GNG7: variants seen among roughly 807,000 people sequenced by gnomAD.
GNG7 encodes guanine nucleotide-binding protein G(I)/G(S)/G(O) subunit gamma-7.
GNG7 carries 1 observed loss-of-function variant against 4.0 expected under a neutral mutation model. The observed-to-expected ratio is 0.25, with a 90% CI of 0.09 to 1.18. GNG7 has a LOEUF of 1.18. GNG7 is among the 50% of genes most tolerant of loss of function. The pLI is 0.50. For synonymous variants in GNG7, 34 were observed against 36.9 expected (o/e 0.92, Z 0.29); for missense variants, 86 against 91.9 (o/e 0.94, Z 0.26).
At chr19:2,590,045 C>T (rs930534730) in intron 2 of GNG7, among the ~76,000 whole-genome samples, 3 of 152,196 alleles carry the variant, frequency 2.0e-5, no homozygotes, top group Non-Finnish European at 2.9e-5. Flanking sequence ...CTCCTGACCT[C>T]AAGTGATCCA....
chr19:2,597,229 C>T (rs920109480), intron 2 of GNG7, among the ~76,000 whole-genome samples: 1 of 152,084 alleles, frequency 6.6e-6, no homozygotes, highest in Admixed American at 6.6e-5. Context: ...GGCGTTACTG[C>T]ACTCCAGCTT....
intron 1 of GNG7, among the ~76,000 whole-genome samples, chr19:2,687,286 C>T (rs1983895638): frequency 6.6e-6 from 1 of 152,042 alleles, no homozygotes; most frequent in Non-Finnish European, 1.5e-5. Context: ...TCTCAAGCTC[C>T]TGGGCTCAAG....
rs1981760581 is a variant in GNG7, at chr19:2,617,743, G to A, written c.-78+28481C>T. ...TTTTATTTTTTTTTTTTTTGAGATA[G>A]GGTCTTGCTCTGTTGCCCAGGCTGG... is the stretch of plus-strand genomic sequence containing the variant. On this transcript the variant is annotated intron_variant, in intron 2 of 4. Coordinates refer to ENST00000382159, the MANE Select transcript of GNG7 (RefSeq NM_052847.3). This position sits in a 1 kb window ranked among gnomAD's most constrained non-coding sequence, Gnocchi z 4.7. Among the ~76,000 whole-genome samples the A allele has an allele frequency of 6.7e-6, 1 of 149,832 alleles. No individual in the cohort carries two copies. The highest frequency in any genetic ancestry group is 1.5e-5 in the Non-Finnish European group (1 of 67,626).
At position 2,611,453 on chromosome 19, in the gene GNG7, G is replaced by A. The variant is rs1219346777; in HGVS notation, c.-78+34771C>T. 1 of 152,222 alleles carries A rather than the reference G, an allele frequency of 6.6e-6. No individual in the cohort carries two copies. Among genetic ancestry groups the A allele is most frequent in the Admixed American group, 6.5e-5 (1 of 15,278 alleles). 9.4% of individuals were successfully genotyped at this position (152,222 alleles called of 1,614,324 possible). ...CCGTCCCAGGACCGTGGCAGGAGGG[G>A]GTCCCGTCCTGCGTGGGGCTTGAAG... On this transcript the variant is annotated intron_variant, in intron 2 of 4. Transcript: ENST00000382159. The surrounding 1 kb of genome is among the most constrained non-coding windows in gnomAD (Gnocchi z 6.0).
intron 3 of GNG7, among the ~76,000 whole-genome samples, chr19:2,526,626 G>GAA (rs1488875039): frequency 8.6e-6 from 1 of 116,708 alleles, no homozygotes; most frequent in African/African-American, 3.7e-5. Flanking sequence ...TTAGTATTTA[G>GAA]TATGTATTAT....
intron 1 of GNG7, among the ~76,000 whole-genome samples, chr19:2,689,756 G>A (rs1913091290): frequency 6.6e-6 from 1 of 151,294 alleles, no homozygotes; most frequent in African/African-American, 2.4e-5. Context: ...TCAAGTCCCA[G>A]CATGACCACT....
chr19:2,523,792 G>A (rs1042574281), intron 3 of GNG7, among the ~76,000 whole-genome samples: 3 of 152,126 alleles, frequency 2.0e-5, no homozygotes, highest in African/African-American at 7.2e-5. Context: ...TGTTAGCACT[G>A]GCTGTGACTC....
intron 2 of GNG7, among the ~76,000 whole-genome samples, chr19:2,628,103 AAAC>A (rs1462572253): frequency 6.6e-6 from 1 of 152,202 alleles, no homozygotes; most frequent in Non-Finnish European, 1.5e-5. Context: ...TCAACATGGC[AAAC>A]AACACGGCAA....
intron 2 of GNG7, among the ~76,000 whole-genome samples, chr19:2,560,078 T>C (rs1223948062): frequency 6.6e-6 from 1 of 152,168 alleles, no homozygotes; most frequent in Middle Eastern, 3.4e-3. Context: ...AGGCGGAGCG[T>C]GGCCTGGGCT....
intron 2 of GNG7, 99 bp from the exon 3 acceptor site, chr19:2,555,287 G>T (rs1397805861): frequency 6.6e-6 from 1 of 152,164 alleles, no homozygotes; most frequent in African/African-American, 2.4e-5. Flanking sequence ...GGAGAACGAC[G>T]TTGCTGTCCC....
chr19:2,586,360 C>G (rs947214306), intron 2 of GNG7, among the ~76,000 whole-genome samples: 1 of 152,226 alleles, frequency 6.6e-6, no homozygotes, highest in African/African-American at 2.4e-5. Context: ...TTCACACTCC[C>G]TGATGAGTTT....
intron 2 of GNG7, among the ~76,000 whole-genome samples, chr19:2,640,894 G>A (rs1982487504): frequency 1.3e-5 from 2 of 152,202 alleles, no homozygotes; most frequent in Admixed American, 1.3e-4. Context: ...CTCCCAAAGT[G>A]CTGCGATGAC....
Position 2,672,006 on chromosome 19 carries a change from G to A in GNG7, c.-134-25726C>T, listed in dbSNP as rs564748082. ...GTGGAGCTTGCAGTGAGCCGAGATT[G>A]CGTCACTGCCCTCCAGCCTGGGTGA... On this transcript the variant is annotated intron_variant, in intron 1 of 4. Coordinates refer to ENST00000382159, the MANE Select transcript of GNG7 (RefSeq NM_052847.3). Among the ~76,000 whole-genome samples, 625 of 142,330 alleles carry A rather than the reference G, an allele frequency of 4.4e-3. 10 individuals are homozygous for A. The highest frequency in any genetic ancestry group is 0.016 in the African/African-American group (600 of 38,012). 93.4% of individuals were successfully genotyped at this position (142,330 alleles called of 152,430 possible). A position where few individuals can be genotyped will look rare whatever the true frequency, so the allele number is the denominator to read the frequency against.
intron 1 of GNG7, among the ~76,000 whole-genome samples, chr19:2,677,624 C>G (rs1335000231): frequency 6.6e-6 from 1 of 152,206 alleles, no homozygotes; most frequent in Non-Finnish European, 1.5e-5. Context: ...TCCCTCCCCA[C>G]TCAGGGTGTG....
At chr19:2,583,179 A>T (rs1193339081) in intron 2 of GNG7, among the ~76,000 whole-genome samples, 2 of 152,162 alleles carry the variant, frequency 1.3e-5, no homozygotes, top group Non-Finnish European at 1.5e-5. Context: ...ATGGACTAGC[A>T]GACAGTGGGT....
intron 1 of GNG7, among the ~76,000 whole-genome samples, chr19:2,663,816 C>A (rs1287805858): frequency 6.6e-6 from 1 of 152,194 alleles, no homozygotes; most frequent in Non-Finnish European, 1.5e-5. Context: ...CTATTTCCTA[C>A]TAAAGCAACG....
At position 2,550,740 on chromosome 19, in the gene GNG7, GAGCCTC is replaced by G. The variant is rs1347273664; in HGVS notation, c.-38+4403_-38+4408del. 2.6e-5 allele frequency among the ~76,000 whole-genome samples: 4 copies of G among 152,164 alleles called. No homozygotes were observed. The East Asian group carries it at 7.7e-4, about 29-fold the overall frequency. ...GGCCTTGCCACATCTTTTGGTTGCC[GAGCCTC>G]AGTTTCCCCACCTATAAAATGGGGA... is the stretch of plus-strand genomic sequence containing the variant. On this transcript the variant is annotated intron_variant, in intron 3 of 4. Coordinates refer to ENST00000382159, the MANE Select transcript of GNG7 (RefSeq NM_052847.3).
intron 1 of GNG7, among the ~76,000 whole-genome samples, chr19:2,691,858 T>C (rs1275725655): frequency 1.8e-5 from 2 of 110,482 alleles, no homozygotes; most frequent in Non-Finnish European, 3.6e-5. Flanking sequence ...CAGAGCAAGA[T>C]TGCATCTCAA....
chr19:2,552,442 T>C (rs576772142), intron 3 of GNG7, among the ~76,000 whole-genome samples: 29 of 152,112 alleles, frequency 1.9e-4, no homozygotes, highest in African/African-American at 6.7e-4. Context: ...TGGAGTACAA[T>C]GGTGCGATCT....
Sources: allele counts gnomAD v4.1 joint callset (sites outside exome capture counted in the v4.1 genomes callset), GRCh38; gene constraint gnomAD v4.1.1; non-coding constraint Gnocchi (gnomAD v3.1); transcripts MANE v1.5; gene names NCBI Gene and HGNC (gene_info 2026-07-23, HGNC 2026-07-21).